DEPTOR: variants seen among roughly 807,000 people sequenced by gnomAD.
DEPTOR encodes the protein DEP domain-containing mTOR-interacting protein.
DEPTOR carries 41 observed loss-of-function variants against 41.6 expected under a neutral mutation model. The observed-to-expected ratio is 0.98, with a 90% CI of 0.77 to 1.28. The LOEUF is 1.28. Ranked by LOEUF, DEPTOR falls within the 50% of genes most tolerant of loss-of-function variation. The probability of loss-of-function intolerance (pLI) is 0.00; values close to 1 mark genes in which losing one functional copy is unlikely to be tolerated. For synonymous variants in DEPTOR, 195 were observed against 192.3 expected, an observed-to-expected ratio of 1.01 and a Z score of -0.12; for missense variants, 514 against 527.9, an observed-to-expected ratio of 0.97 and a Z score of 0.26.
rs73705896 is a variant in DEPTOR at position 120,033,577 on chromosome 8, C to A, written c.1102-15999C>A. ...ACTTTTCTGATCCTCAGCTTTCCATCAGGCTGATATTGGCAAAATGTTTTT... is the reference window on the plus strand; with the variant it reads ...ACTTTTCTGATCCTCAGCTTTCCATAAGGCTGATATTGGCAAAATGTTTTT... On this transcript the variant is annotated intron_variant, in intron 8 of 8. Coordinates refer to ENST00000286234, the MANE Select transcript of DEPTOR (RefSeq NM_022783.4). Among the ~76,000 whole-genome samples, 504 of 152,306 alleles carry A rather than the reference C, an allele frequency of 3.3e-3. 4 individuals carry two copies. The highest frequency in any genetic ancestry group is 0.012 in the African/African-American group (484 of 41,570).
Position 119,880,230 on chromosome 8 carries a change from G to A in DEPTOR, c.122+6262G>A, listed in dbSNP as rs113933533. Among the ~76,000 whole-genome samples the A allele has an allele frequency of 6.4e-4, 98 of 152,160 alleles. 1 individual carries two copies. The highest frequency in any genetic ancestry group is 2.2e-3 in the African/African-American group (91 of 41,530). ...CACTATTCTCTTTCTAGCAATGGTA[G>A]CAATTATAATAATAACAATAACACT... On this transcript the variant is annotated intron_variant, in intron 1 of 8. Transcript: ENST00000286234.
intron 1 of DEPTOR, among the ~76,000 whole-genome samples, chr8:119,904,057 G>C (rs766205906): frequency 6.6e-6 from 1 of 152,060 alleles, no homozygotes; most frequent in Non-Finnish European, 1.5e-5. Context: ...TCCACAAGAG[G>C]AGGAGGAAGT....
At chr8:119,894,723 G>T (rs978471835) in intron 1 of DEPTOR, among the ~76,000 whole-genome samples, 8 of 152,088 alleles carry the variant, frequency 5.3e-5, no homozygotes, top group Non-Finnish European at 1.2e-4. Context: ...GTTAGTAATT[G>T]AATTTACTAT....
At chr8:120,010,638 A>G (rs1399610528) in intron 8 of DEPTOR, among the ~76,000 whole-genome samples, 9 of 152,014 alleles carry the variant, frequency 5.9e-5, no homozygotes, top group Non-Finnish European at 8.8e-5. Flanking sequence ...AAAAGAAGAA[A>G]AAAACACACA....
intron 8 of DEPTOR, among the ~76,000 whole-genome samples, chr8:120,033,206 G>T (rs1312125816): frequency 6.7e-6 from 1 of 149,644 alleles, no homozygotes; most frequent in Non-Finnish European, 1.5e-5. Context: ...TCCTGCCTCA[G>T]CCTTCCATGG....
intron 1 of DEPTOR, among the ~76,000 whole-genome samples, chr8:119,877,536 C>T (rs1827244692): frequency 6.6e-6 from 1 of 152,206 alleles, no homozygotes; most frequent in Non-Finnish European, 1.5e-5. Flanking sequence ...AAGTGCTTCA[C>T]ACACTCTCAG....
At chr8:119,913,006 C>T (rs1827764441) in intron 1 of DEPTOR, among the ~76,000 whole-genome samples, 1 of 152,268 alleles carries the variant, frequency 6.6e-6, no homozygotes, top group Non-Finnish European at 1.5e-5. Flanking sequence ...CTGCAACCTC[C>T]ACCTCCTGGG....
chr8:120,033,012 G>A (rs1289078230), intron 8 of DEPTOR, among the ~76,000 whole-genome samples: 1 of 151,900 alleles, frequency 6.6e-6, no homozygotes, highest in Non-Finnish European at 1.5e-5. Context: ...AAGTGAGGAT[G>A]GGCTGATAAG....
chr8:120,034,202 C>CT (rs1000285442), intron 8 of DEPTOR, among the ~76,000 whole-genome samples: 2 of 151,736 alleles, frequency 1.3e-5, no homozygotes, highest in Non-Finnish European at 2.9e-5. Flanking sequence ...AATCCTCTTA[C>CT]TTTTCCCACC....
intron 7 of DEPTOR, among the ~76,000 whole-genome samples, chr8:120,008,694 G>A (rs770903167): frequency 7.9e-5 from 12 of 152,242 alleles, no homozygotes; most frequent in African/African-American, 1.2e-4. Context: ...TTTCAACCAC[G>A]TTACGACTTT....
At chr8:119,956,737 T>C (rs921511267) in intron 3 of DEPTOR, among the ~76,000 whole-genome samples, 4 of 110,160 alleles carry the variant, frequency 3.6e-5, no homozygotes, top group African/African-American at 1.4e-4. Context: ...GTTTTTTTTT[T>C]TTGTTTTTTT....
intron 1 of DEPTOR, among the ~76,000 whole-genome samples, chr8:119,901,772 A>C (rs992133856): frequency 6.6e-6 from 1 of 152,126 alleles, no homozygotes; most frequent in Non-Finnish European, 1.5e-5. Flanking sequence ...TTCTGAAGCA[A>C]TGGACACAGG....
At position 119,904,965 on chromosome 8, in the gene DEPTOR, C is replaced by CTTTTT. The variant is rs71304920; in HGVS notation, c.123-23416_123-23412dup. Among the ~76,000 whole-genome samples, 170 of 85,968 alleles carry CTTTTT rather than the reference C, an allele frequency of 2.0e-3. 2 individuals carry two copies. The highest frequency in any genetic ancestry group is 4.3e-3 in the African/African-American group (99 of 23,284). 56.4% of individuals were successfully genotyped at this position (85,968 alleles called of 152,430 possible). A position where few individuals can be genotyped will look rare whatever the true frequency, so the allele number is the denominator to read the frequency against. ...CGCTACCATGCCTGGCTAATTTTTG[C>CTTTTT]TTTTTTTTTTTTTTTTTTTTTTTGT... is the stretch of plus-strand genomic sequence containing the variant. On this transcript the variant is annotated intron_variant, in intron 1 of 8. Coordinates refer to ENST00000286234, the MANE Select transcript of DEPTOR (RefSeq NM_022783.4).
At chr8:119,992,899 C>T (rs908953747) in intron 4 of DEPTOR, among the ~76,000 whole-genome samples, 1 of 152,004 alleles carries the variant, frequency 6.6e-6, no homozygotes, top group Non-Finnish European at 1.5e-5. Context: ...CCAGGTGACC[C>T]ACCTGCCTCG....
At chr8:120,004,547 G>T (rs1563589209) in intron 6 of DEPTOR, among the ~76,000 whole-genome samples, 1 of 152,282 alleles carries the variant, frequency 6.6e-6, no homozygotes, top group East Asian at 1.9e-4. Flanking sequence ...GTTTTTGATT[G>T]CTTATGATGG....
Position 119,873,728 on chromosome 8 carries a change from A to G in DEPTOR, c.-119A>G. On this transcript the variant is annotated 5_prime_UTR_variant, in exon 1 of 9. Transcript: ENST00000286234. ...TTCCCTCTCCAGCCAATCCAGTCAG[A>G]GCAGCGGAGCTGCCCCGAACAAAGA... 1 of 1,418,844 alleles carries G rather than the reference A, an allele frequency of 7.0e-7. No homozygotes were observed. The allele number at this position is 1,418,844 out of a possible 1,614,324, so 87.9% of individuals were successfully genotyped here.
intron 4 of DEPTOR, among the ~76,000 whole-genome samples, chr8:119,980,102 T>G (rs561093323): frequency 1.3e-5 from 2 of 151,634 alleles, no homozygotes; most frequent in Non-Finnish European, 2.9e-5. Flanking sequence ...AATGAAAATA[T>G]GCTAGGAGCC....
chr8:119,874,352 G>T lies in DEPTOR; in HGVS notation c.122+384G>T, dbSNP rs752659178. 1.5e-4 allele frequency: 39 copies of T among 262,808 alleles called. 1 individual carries two copies. The highest frequency in any genetic ancestry group is 8.7e-5 in the Non-Finnish European group (12 of 138,362). The allele number at this position is 262,808 out of a possible 1,614,324, so 16.3% of individuals were successfully genotyped here. On this transcript the variant is annotated intron_variant, in intron 1 of 8. Coordinates refer to ENST00000286234, the MANE Select transcript of DEPTOR (RefSeq NM_022783.4). ...ATCCGCGAAGAGAGCAAGAGGGGTC[G>T]CTGTGGGGTCCCGAGGCGACCCCAG...
chr8:119,991,042 C>CT (rs1563584559), intron 4 of DEPTOR, among the ~76,000 whole-genome samples: 474 of 21,648 alleles, frequency 0.022, 3 homozygotes, highest in South Asian at 0.044. Flanking sequence ...TTCTTTCTTT[C>CT]TTTCTTTCTT....
Sources: gnomAD v4.1 joint callset for allele counts (sites outside exome capture counted in the v4.1 genomes callset) on GRCh38, gnomAD v4.1.1 for gene constraint, MANE v1.5 for transcripts, NCBI Gene and HGNC (gene_info 2026-07-23, HGNC 2026-07-21) for gene names.